The following MPP7 variants were observed in gnomAD, a reference collection of about 807,000 sequenced individuals.
MPP7 encodes MAGUK p55 subfamily member 7.
Under a neutral mutation model 76.5 loss-of-function variants are expected in MPP7, and 60 were observed. The observed-to-expected ratio is 0.78, with a 90% CI of 0.64 to 0.97. MPP7 has a LOEUF of 0.97. MPP7 is among the 50% of genes least tolerant of loss of function. MPP7 has a pLI of 0.00. For missense variants in MPP7, 641 were observed against 694.0 expected (o/e 0.92, Z 0.86); for synonymous variants, 237 against 244.5 (o/e 0.97, Z 0.29).
At chr10:28,219,644 C>T (rs1356329295) in intron 2 of MPP7, among the ~76,000 whole-genome samples, 2 of 152,176 alleles carry the variant, frequency 1.3e-5, no homozygotes, top group African/African-American at 4.8e-5. Context: ...GAGGGAAAAA[C>T]AAATATGTAT....
chr10:28,313,551 C>G (rs1316663504), intron 2 of MPP7, among the ~76,000 whole-genome samples: 1 of 151,878 alleles, frequency 6.6e-6, no homozygotes, highest in African/African-American at 2.4e-5. Context: ...CAGAGATATC[C>G]TAAATAGTGA....
intron 5 of MPP7, among the ~76,000 whole-genome samples, chr10:28,146,929 T>C (rs1213539400): frequency 1.3e-5 from 2 of 152,106 alleles, no homozygotes; most frequent in African/African-American, 4.8e-5. Flanking sequence ...GAAAAATAAG[T>C]GATAAACTTA....
intron 1 of MPP7, among the ~76,000 whole-genome samples, chr10:28,264,200 G>C: frequency 6.6e-6 from 1 of 152,102 alleles, no homozygotes; most frequent in East Asian, 1.9e-4. Flanking sequence ...TTGGGAGGCT[G>C]AGGTGGGAGG....
intron 1 of MPP7, among the ~76,000 whole-genome samples, chr10:28,292,875 T>A (rs888916227): frequency 6.6e-5 from 10 of 152,114 alleles, no homozygotes; most frequent in Non-Finnish European, 1.0e-4. Context: ...TCTGTGTGCA[T>A]ATATACGAGT....
chr10:28,107,875 T>C (rs1834373092), intron 11 of MPP7, among the ~76,000 whole-genome samples: 1 of 152,164 alleles, frequency 6.6e-6, no homozygotes, highest in Non-Finnish European at 1.5e-5. Context: ...TCTGGTGATG[T>C]AGGGGGAGGT....
intron 2 of MPP7, among the ~76,000 whole-genome samples, chr10:28,228,471 A>G (rs1838770092): frequency 6.6e-6 from 1 of 152,212 alleles, no homozygotes; most frequent in African/African-American, 2.4e-5. Context: ...AAAAGAACTA[A>G]GCAGCACTTC....
chr10:28,209,111 A>G (rs1421266168), intron 2 of MPP7, among the ~76,000 whole-genome samples: 1 of 152,110 alleles, frequency 6.6e-6, no homozygotes, highest in Non-Finnish European at 1.5e-5. Flanking sequence ...AGCAGATGCC[A>G]GCTCCATGCT....
chr10:28,151,264 A>G (rs2133779948), intron 3 of MPP7, among the ~76,000 whole-genome samples: 1 of 152,354 alleles, frequency 6.6e-6, no homozygotes, highest in South Asian at 2.1e-4. Context: ...CAGAATGATC[A>G]GAGCCACATT....
intron 5 of MPP7, among the ~76,000 whole-genome samples, chr10:28,132,261 A>C (rs148881643): frequency 2.3e-3 from 353 of 152,306 alleles, no homozygotes; most frequent in African/African-American, 8.2e-3. Flanking sequence ...AAAGATGAAA[A>C]GAACACCAGA....
intron 1 of MPP7, among the ~76,000 whole-genome samples, chr10:28,245,360 C>T (rs1231436159): frequency 2.6e-5 from 4 of 152,132 alleles, no homozygotes; most frequent in Non-Finnish European, 5.9e-5. Context: ...ATGTCCCCCA[C>T]TAGATTCCTT....
intron 2 of MPP7, among the ~76,000 whole-genome samples, chr10:28,229,196 G>A (rs912766586): frequency 3.3e-5 from 5 of 152,032 alleles, no homozygotes; most frequent in African/African-American, 1.2e-4. Flanking sequence ...TAGTGAAAGT[G>A]CAGACATCTA....
At chr10:28,194,268 C>A (rs1353262291) in intron 3 of MPP7, among the ~76,000 whole-genome samples, 1 of 152,190 alleles carries the variant, frequency 6.6e-6, no homozygotes. Context: ...CCCGCCTCGG[C>A]CTCCCAAAGT....
At chr10:28,215,945 T>C (rs1219694451) in intron 2 of MPP7, among the ~76,000 whole-genome samples, 2 of 152,106 alleles carry the variant, frequency 1.3e-5, no homozygotes, top group Admixed American at 6.5e-5. Context: ...TTTATCCTGC[T>C]GGATGCATTA....
intron 1 of MPP7, among the ~76,000 whole-genome samples, chr10:28,262,244 C>CGTAT (rs1840004337): frequency 8.2e-5 from 3 of 36,400 alleles, no homozygotes; most frequent in African/African-American, 5.8e-4. Context: ...TATATATATA[C>CGTAT]ATATATATAT....
chr10:28,312,763 G>A (rs1201626221), intron 2 of MPP7, among the ~76,000 whole-genome samples: 1 of 152,162 alleles, frequency 6.6e-6, no homozygotes, highest in Non-Finnish European at 1.5e-5. Context: ...GATCTCCCAA[G>A]GGAGCATCGC....
intron 11 of MPP7, among the ~76,000 whole-genome samples, chr10:28,094,582 A>G (rs553116837): frequency 6.6e-6 from 1 of 152,308 alleles, no homozygotes; most frequent in South Asian, 2.1e-4. Flanking sequence ...AGAACCTTGA[A>G]GGCAGGAACA....
At chr10:28,233,369 A>G (rs1454066487) in intron 2 of MPP7, among the ~76,000 whole-genome samples, 2 of 152,336 alleles carry the variant, frequency 1.3e-5, no homozygotes, top group East Asian at 3.9e-4. Context: ...GGGTTAACTT[A>G]CACACATACA....
chr10:28,240,077 G>A (rs2132757143), intron 1 of MPP7, among the ~76,000 whole-genome samples: 1 of 152,072 alleles, frequency 6.6e-6, no homozygotes, highest in Admixed American at 6.5e-5. Flanking sequence ...ATCACCCCTG[G>A]CTAATAACAG....
At chr10:28,070,260 A>G (rs932442530) in intron 12 of MPP7, among the ~76,000 whole-genome samples, 7 of 152,060 alleles carry the variant, frequency 4.6e-5, no homozygotes, top group Admixed American at 1.3e-4. Flanking sequence ...TTAGCCAGGC[A>G]TGGTGGCGGG....
Sources: allele counts gnomAD v4.1 joint callset (sites outside exome capture counted in the v4.1 genomes callset), GRCh38; gene constraint gnomAD v4.1.1; transcripts MANE v1.5; gene names NCBI Gene and HGNC (gene_info 2026-07-23, HGNC 2026-07-21).